Variants in CYTH1 observed in about 807,000 individuals in gnomAD.
CYTH1 encodes cytohesin 1, also known as cytohesin-1.
Under a neutral mutation model 61.8 loss-of-function variants are expected in CYTH1, and 18 were observed. The observed-to-expected ratio is 0.29, with a 90% CI of 0.20 to 0.43. The LOEUF is 0.43. Among genes scored for constraint, CYTH1 ranks in the 20% least tolerant of loss-of-function variants. CYTH1 has a pLI of 1.00. For synonymous variants in CYTH1, 174 were observed against 184.3 expected (o/e 0.94, Z 0.45); for missense variants, 336 against 510.5 (o/e 0.66, Z 3.29).
At chr17:78,760,261 A>T (rs951515284) in intron 1 of CYTH1, among the ~76,000 whole-genome samples, 1 of 150,312 alleles carries the variant, frequency 6.7e-6, no homozygotes, top group Non-Finnish European at 1.5e-5. Flanking sequence ...GAATTTTACA[A>T]ATTTAGACAT....
chr17:78,688,701 A>AT (rs1238795677), intron 11 of CYTH1, among the ~76,000 whole-genome samples: 1 of 152,190 alleles, frequency 6.6e-6, no homozygotes, highest in Middle Eastern at 3.4e-3. Flanking sequence ...TGATGTTTAC[A>AT]TTTTTTTCTT....
intron 11 of CYTH1, among the ~76,000 whole-genome samples, chr17:78,682,227 C>A (rs1299181260): frequency 6.6e-6 from 1 of 152,122 alleles, no homozygotes; most frequent in Non-Finnish European, 1.5e-5. Context: ...CCCACTGGAA[C>A]CAAAATTATG....
At chr17:78,688,383 G>A (rs1411383813) in intron 11 of CYTH1, among the ~76,000 whole-genome samples, 2 of 152,186 alleles carry the variant, frequency 1.3e-5, no homozygotes, top group Non-Finnish European at 2.9e-5. Context: ...TGTCAACATC[G>A]GTAGACTCGT....
chr17:78,690,242 A>T (rs2092865084), intron 11 of CYTH1, among the ~76,000 whole-genome samples: 1 of 151,598 alleles, frequency 6.6e-6, no homozygotes, highest in Non-Finnish European at 1.5e-5. Flanking sequence ...AAAAATACAA[A>T]AAATTAGCTG....
intron 1 of CYTH1, among the ~76,000 whole-genome samples, chr17:78,757,268 A>G (rs887615245): frequency 3.3e-5 from 5 of 152,230 alleles, no homozygotes; most frequent in South Asian, 2.1e-4. Context: ...AATTTTCAAC[A>G]TAACTTAAGA....
intron 11 of CYTH1, among the ~76,000 whole-genome samples, chr17:78,688,306 C>T (rs1598825495): frequency 6.6e-6 from 1 of 152,188 alleles, no homozygotes; most frequent in East Asian, 1.9e-4. Flanking sequence ...CTAAAGCACA[C>T]ATAACATATC....
At chr17:78,688,494 C>T (rs932786394) in intron 11 of CYTH1, among the ~76,000 whole-genome samples, 12 of 152,134 alleles carry the variant, frequency 7.9e-5, no homozygotes, top group Admixed American at 7.2e-4. Context: ...CGGTGCTGGC[C>T]GAAAGAGCAA....
At chr17:78,732,447 T>G (rs572736160) in intron 1 of CYTH1, among the ~76,000 whole-genome samples, 1 of 152,308 alleles carries the variant, frequency 6.6e-6, no homozygotes, top group South Asian at 2.1e-4. Flanking sequence ...GAAAGGGCAG[T>G]TCTAATCCTC....
intron 1 of CYTH1, among the ~76,000 whole-genome samples, chr17:78,764,269 T>C (rs959805689): frequency 4.0e-5 from 6 of 149,362 alleles, no homozygotes; most frequent in Non-Finnish European, 8.9e-5. Context: ...CTATCTCGGC[T>C]CAATGAAACC....
intron 1 of CYTH1, among the ~76,000 whole-genome samples, chr17:78,750,973 A>G (rs2093377798): frequency 6.6e-6 from 1 of 152,040 alleles, no homozygotes; most frequent in South Asian, 2.1e-4. Context: ...TGGCTTATTT[A>G]ATATATATTG....
intron 11 of CYTH1, among the ~76,000 whole-genome samples, chr17:78,688,614 G>A (rs1045180019): frequency 1.3e-5 from 2 of 152,184 alleles, no homozygotes; most frequent in African/African-American, 2.4e-5. Flanking sequence ...TTGGCAATGC[G>A]GTTAGACACG....
At position 78,760,506 on chromosome 17, in the gene CYTH1, T is replaced by TC. The variant is rs2093422511; in HGVS notation, c.22+21695_22+21696insG. On this transcript the variant is annotated intron_variant, in intron 1 of 13. Coordinates refer to ENST00000446868, the MANE Select transcript of CYTH1 (RefSeq NM_004762.6). ...GTATGTATATATATATACATATATATGTATATATATGTATATATATATATA... is the reference window on the plus strand; with the variant it reads ...GTATGTATATATATATACATATATATCGTATATATATGTATATATATATATA... Among the ~76,000 whole-genome samples the TC allele has an allele frequency of 4.4e-5, 2 of 45,498 alleles. 1 individual carries two copies. The highest frequency in any genetic ancestry group is 4.7e-4 in the Admixed American group (2 of 4,212). 29.8% of individuals were successfully genotyped at this position (45,498 alleles called of 152,430 possible). A position where few individuals can be genotyped will look rare whatever the true frequency, so the allele number is the denominator to read the frequency against.
At chr17:78,762,808 T>C (rs927247384) in intron 1 of CYTH1, among the ~76,000 whole-genome samples, 1 of 152,072 alleles carries the variant, frequency 6.6e-6, no homozygotes, top group African/African-American at 2.4e-5. Context: ...GTGGGCAGCC[T>C]TTAGAAGCTG....
rs548281364 is a variant in CYTH1, at chr17:78,761,134, C to T, written c.22+21068G>A. ...AGGTGTGAGCCACCGCGCCCAGCCT[C>T]GCGATTTCCAAGTTTTCAGTCACAT... On this transcript the variant is annotated intron_variant, in intron 1 of 13. Transcript: ENST00000446868. Among the ~76,000 whole-genome samples, 491 of 152,130 alleles carry T rather than the reference C, an allele frequency of 3.2e-3. 5 individuals carry two copies. The highest frequency in any genetic ancestry group is 0.011 in the African/African-American group (461 of 41,516).
chr17:78,717,829 G>T lies in CYTH1; in HGVS notation c.23-8097C>A, dbSNP rs2144508934. 6.6e-6 allele frequency among the ~76,000 whole-genome samples: 1 copy of T among 152,276 alleles called. No homozygotes were observed. Among genetic ancestry groups the T allele is most frequent in the East Asian group, 1.9e-4 (1 of 5,182 alleles). On this transcript the variant is annotated intron_variant, in intron 1 of 13. Transcript: ENST00000446868. The surrounding 1 kb of genome is among the most constrained non-coding windows in gnomAD (Gnocchi z 4.4). ...CGTCAAATGAACGTGTCCAAGGCAT[G>T]CTTTAGGACCAGGATGTCTCTTTGA...
At chr17:78,725,856 A>G (rs7207392) in intron 1 of CYTH1, among the ~76,000 whole-genome samples, 81,713 of 151,964 alleles carry the variant, frequency 0.54, 22,119 homozygotes, top group East Asian at 0.61. Context: ...CAAGAAGTCT[A>G]CAGTGTGGCC....
intron 1 of CYTH1, among the ~76,000 whole-genome samples, chr17:78,779,073 C>T (rs2144785119): frequency 6.6e-6 from 1 of 152,176 alleles, no homozygotes; most frequent in Non-Finnish European, 1.5e-5. Flanking sequence ...CTTTTTAGTT[C>T]CTCCAAAATA....
At chr17:78,748,732 C>T (rs1228953337) in intron 1 of CYTH1, among the ~76,000 whole-genome samples, 2 of 152,174 alleles carry the variant, frequency 1.3e-5, no homozygotes, top group Admixed American at 6.5e-5. Context: ...AACGGGTGGG[C>T]GGGAGGAGTG....
intron 1 of CYTH1, among the ~76,000 whole-genome samples, chr17:78,770,104 C>T (rs569239959): frequency 9.7e-4 from 147 of 151,186 alleles, no homozygotes; most frequent in African/African-American, 3.4e-3. Flanking sequence ...GAGCCGAGAT[C>T]GCACCACTGC....
Sources: allele counts gnomAD v4.1 joint callset (sites outside exome capture counted in the v4.1 genomes callset), GRCh38; gene constraint gnomAD v4.1.1; non-coding constraint Gnocchi (gnomAD v3.1); transcripts MANE v1.5; gene names NCBI Gene and HGNC (gene_info 2026-07-23, HGNC 2026-07-21).